Variants in PPARGC1B observed in about 807,000 individuals in gnomAD.
The protein encoded by PPARGC1B is PPARG coactivator 1 beta, also known as peroxisome proliferator-activated receptor gamma coactivator 1-beta.
A neutral mutation model predicts 101.6 loss-of-function variants in PPARGC1B; 34 were observed. The ratio of observed to expected loss-of-function variants is 0.33; its 90% CI spans 0.25 to 0.45. The LOEUF is 0.45. Ranked by LOEUF, PPARGC1B falls within the 20% of genes least tolerant of loss-of-function variation. The pLI is 1.00. For missense variants in PPARGC1B, 1,234 were observed against 1,317.6 expected, an observed-to-expected ratio of 0.94 and a Z score of 0.98; for synonymous variants, 548 against 539.3, an observed-to-expected ratio of 1.02 and a Z score of -0.22.
At chr5:149,821,967 G>A (rs563246408) in intron 2 of PPARGC1B, among the ~76,000 whole-genome samples, 13 of 152,234 alleles carry the variant, frequency 8.5e-5, no homozygotes, top group Non-Finnish European at 1.6e-4. Context: ...AAGGATCCAG[G>A]CAAAGACTGT....
chr5:149,820,637 C>T (rs1758255788), intron 2 of PPARGC1B, 31 bp downstream of exon 2: 2 of 1,580,720 alleles, frequency 1.3e-6, no homozygotes, highest in Admixed American at 1.7e-5. Flanking sequence ...CCTCCTCCCA[C>T]CCTGCCAGGC....
In PPARGC1B at chr5:149,848,962, T is replaced by C. The variant is rs1246754571; in HGVS notation, c.*1404T>C. 1 of 152,208 alleles carries C rather than the reference T, an allele frequency of 6.6e-6. No homozygotes were observed. The highest frequency in any genetic ancestry group is 2.4e-5 in the African/African-American group (1 of 41,446). 9.4% of individuals were successfully genotyped at this position (152,208 alleles called of 1,614,324 possible). A position where few individuals can be genotyped will look rare whatever the true frequency, so the allele number is the denominator to read the frequency against. ...TTGCTTTAAACTTTGTGTTCTTAAG[T>C]GATGTCAAAGCCATTTCCAGCTTAA... On this transcript the variant is annotated 3_prime_UTR_variant, in exon 12 of 12. Coordinates refer to ENST00000309241, the MANE Select transcript of PPARGC1B (RefSeq NM_133263.4).
intron 1 of PPARGC1B, chr5:149,732,828 G>T (rs1213155180): frequency 4.2e-6 from 2 of 479,272 alleles, no homozygotes; most frequent in South Asian, 1.5e-5. Flanking sequence ...GCCACCCAGG[G>T]CTCCTGACTC....
intron 1 of PPARGC1B, among the ~76,000 whole-genome samples, chr5:149,732,373 G>T (rs901208018): frequency 4.6e-5 from 7 of 152,214 alleles, no homozygotes; most frequent in Non-Finnish European, 1.0e-4. Flanking sequence ...CCGGAGACTC[G>T]TTCAGGGACC....
chr5:149,845,806 G>A lies in PPARGC1B; in HGVS notation c.2863G>A (p.Ala955Thr). Residue 955 changes from alanine (A) to threonine (T), a missense_variant, in exon 11 of 12, where the codon GCC becomes ACC. Physicochemically the swap from Ala to Thr is moderately conservative, Grantham distance 58. This residue lies in a region of PPARGC1B where 497 missense variants were observed against 529.5 expected (regional missense o/e 0.94). Coordinates refer to ENST00000309241, the MANE Select transcript of PPARGC1B (RefSeq NM_133263.4). ...CACCTACCGGTGTTCTGAGCACGCG[G>A]CCCTCTCTTTGACAAAGGGCGCTGC... is the stretch of plus-strand genomic sequence containing the variant. ...FITYRCSEHA[A>T]LSLTKGAALR... The A allele has an allele frequency of 1.2e-6, 2 of 1,614,046 alleles. No homozygotes were observed. Among genetic ancestry groups the A allele is most frequent in the Non-Finnish European group, 1.7e-6 (2 of 1,179,908 alleles).
chr5:149,752,198 G>A (rs1208832577), intron 1 of PPARGC1B, among the ~76,000 whole-genome samples: 2 of 152,164 alleles, frequency 1.3e-5, no homozygotes, highest in Non-Finnish European at 2.9e-5. Context: ...ACTATGTACC[G>A]CATCTCTCTA....
chr5:149,778,301 AGTCT>A (rs1173377464), intron 1 of PPARGC1B, among the ~76,000 whole-genome samples: 6 of 151,868 alleles, frequency 4.0e-5, no homozygotes, highest in African/African-American at 1.4e-4. Flanking sequence ...GCAAGGCTTT[AGTCT>A]GTCTGTCTCT....
At chr5:149,772,319 G>A (rs1291141237) in intron 1 of PPARGC1B, among the ~76,000 whole-genome samples, 1 of 152,214 alleles carries the variant, frequency 6.6e-6, no homozygotes, top group East Asian at 1.9e-4. Context: ...GTCTCGGGAT[G>A]CGGTGTTTGT....
chr5:149,765,205 G>T (rs1408673349), intron 1 of PPARGC1B, among the ~76,000 whole-genome samples: 2 of 152,274 alleles, frequency 1.3e-5, no homozygotes, highest in African/African-American at 2.4e-5. Flanking sequence ...GAGAAGGCAG[G>T]GGAGGGAATA....
At chr5:149,810,612 G>A (rs1757816701) in intron 1 of PPARGC1B, among the ~76,000 whole-genome samples, 2 of 152,222 alleles carry the variant, frequency 1.3e-5, no homozygotes, top group Admixed American at 6.5e-5. Context: ...ACCTACCCAG[G>A]AGACTGCCTG....
At chr5:149,754,040 G>A (rs1043127330) in intron 1 of PPARGC1B, among the ~76,000 whole-genome samples, 6 of 152,162 alleles carry the variant, frequency 3.9e-5, no homozygotes, top group Admixed American at 6.5e-5. Context: ...ATTCCTGTCC[G>A]TGAAATTATA....
intron 1 of PPARGC1B, among the ~76,000 whole-genome samples, chr5:149,763,692 G>C (rs1258529615): frequency 1.3e-5 from 2 of 152,014 alleles, no homozygotes; most frequent in African/African-American, 4.8e-5. Context: ...CACTGCACTT[G>C]ACTAATTTTT....
intron 1 of PPARGC1B, among the ~76,000 whole-genome samples, chr5:149,784,814 G>T (rs79204961): frequency 0.11 from 17,222 of 151,886 alleles, 1,299 homozygotes; most frequent in Admixed American, 0.23. Context: ...TCATCCGCCT[G>T]CCTTGGCCTC....
chr5:149,809,613 G>A lies in PPARGC1B; in HGVS notation c.79-10820G>A, dbSNP rs190683537. 2.9e-3 allele frequency among the ~76,000 whole-genome samples: 437 copies of A among 149,234 alleles called. 4 individuals are homozygous for A. Among genetic ancestry groups the A allele is most frequent in the African/African-American group, 0.01 (413 of 40,450 alleles). On this transcript the variant is annotated intron_variant, in intron 1 of 11. Transcript: ENST00000309241. ...TGAGGCGGGAGGATTGCTTGAGCCC[G>A]GGAATTCAAGGCTGCAATCAGCCAT...
At chr5:149,735,384 C>T (rs1754664530) in intron 1 of PPARGC1B, among the ~76,000 whole-genome samples, 1 of 152,224 alleles carries the variant, frequency 6.6e-6, no homozygotes, top group Non-Finnish European at 1.5e-5. Context: ...CACCCTCTTC[C>T]TTCTTCCTCT....
At chr5:149,773,297 C>T (rs975974377) in intron 1 of PPARGC1B, among the ~76,000 whole-genome samples, 1 of 152,266 alleles carries the variant, frequency 6.6e-6, no homozygotes, top group African/African-American at 2.4e-5. Context: ...GCTGTGCCTC[C>T]TGAAGCTTGA....
intron 3 of PPARGC1B, among the ~76,000 whole-genome samples, chr5:149,829,049 T>C (rs764454805): frequency 6.6e-6 from 1 of 151,972 alleles, no homozygotes; most frequent in Non-Finnish European, 1.5e-5. Context: ...AGACCCCATC[T>C]CTTTAAAAGA....
downstream of PPARGC1B, chr5:149,857,873 AC>A (rs1238851029): frequency 6.6e-6 from 1 of 152,172 alleles, no homozygotes; most frequent in African/African-American, 2.4e-5. Context: ...GTTTGGGGAA[AC>A]CATGTGGCTC....
At chr5:149,840,600 G>C (rs1484136858) in intron 9 of PPARGC1B, among the ~76,000 whole-genome samples, 1 of 152,194 alleles carries the variant, frequency 6.6e-6, no homozygotes, top group Non-Finnish European at 1.5e-5. Flanking sequence ...AGTGCCGAGA[G>C]ACCAAGAGAG....
Sources: gnomAD v4.1 joint callset for allele counts (sites outside exome capture counted in the v4.1 genomes callset) on GRCh38, gnomAD v4.1.1 for gene constraint, gnomAD v4.1.1 regional missense constraint, MANE v1.5 for transcripts, NCBI Gene and HGNC (gene_info 2026-07-23, HGNC 2026-07-21) for gene names.